Variants in LYPLA1 observed in about 807,000 individuals in gnomAD.
The protein encoded by LYPLA1 is lysophospholipase 1.
In LYPLA1, 17 loss-of-function variants were observed where a neutral mutation model predicts 34.0. The ratio of observed to expected loss-of-function variants is 0.50; its 90% CI spans 0.34 to 0.75. LYPLA1 has a LOEUF of 0.75. Ranked by LOEUF, LYPLA1 falls within the 30% of genes least tolerant of loss-of-function variation. LYPLA1 has a pLI of 0.01. For missense variants in LYPLA1, 203 were observed against 288.8 expected (o/e 0.70, Z 2.15); for synonymous variants, 98 against 100.8 (o/e 0.97, Z 0.17).
At chr8:54,079,573 T>A (rs1239732336) in intron 2 of LYPLA1, among the ~76,000 whole-genome samples, 3 of 152,040 alleles carry the variant, frequency 2.0e-5, no homozygotes, top group African/African-American at 7.2e-5. Flanking sequence ...GAGGCTGAGT[T>A]GGGCGGATCA....
chr8:54,086,438 T>TAAAAAAAAAAAAA (rs768755796), intron 2 of LYPLA1, among the ~76,000 whole-genome samples: 1 of 34,692 alleles, frequency 2.9e-5, no homozygotes, highest in Non-Finnish European at 5.3e-5. Flanking sequence ...CTAAAAAAAT[T>TAAAAAAAAAAAAA]AAAAAAAAAA....
At chr8:54,055,873 A>C (rs1446067411) in intron 5 of LYPLA1, among the ~76,000 whole-genome samples, 3 of 151,810 alleles carry the variant, frequency 2.0e-5, no homozygotes, top group Non-Finnish European at 1.5e-5. Context: ...GATCTCCTGA[A>C]CTCGAGATCC....
At chr8:54,060,132 C>T (rs199868093) in intron 5 of LYPLA1, among the ~76,000 whole-genome samples, 1 of 151,180 alleles carries the variant, frequency 6.6e-6, no homozygotes, top group South Asian at 2.1e-4. Flanking sequence ...TTCTTTCTTT[C>T]TTTTTTTCCT....
chr8:54,074,281 A>T (rs531623414), intron 2 of LYPLA1, among the ~76,000 whole-genome samples: 6 of 152,332 alleles, frequency 3.9e-5, no homozygotes, highest in African/African-American at 1.4e-4. Flanking sequence ...CATAGATTAA[A>T]AAGACTGTTT....
chr8:54,049,621 C>T (rs1805710456), intron 8 of LYPLA1, among the ~76,000 whole-genome samples: 2 of 152,192 alleles, frequency 1.3e-5, no homozygotes, highest in African/African-American at 4.8e-5. Context: ...AAGCACTATA[C>T]ATCTCAGGAC....
At chr8:54,049,405 C>CCTTT in intron 8 of LYPLA1, among the ~76,000 whole-genome samples, 1 of 152,152 alleles carries the variant, frequency 6.6e-6, no homozygotes, top group Middle Eastern at 3.4e-3. Flanking sequence ...ATTCATCCAT[C>CCTTT]CTTTCTTTCT....
chr8:54,081,367 C>A lies in LYPLA1; in HGVS notation c.102-15554G>T, dbSNP rs1043189684. Among the ~76,000 whole-genome samples the A allele has an allele frequency of 3.9e-5, 6 of 152,034 alleles. No individual in the cohort carries two copies. In the East Asian group the frequency reaches 9.6e-4, roughly 24 times the overall value. On this transcript the variant is annotated intron_variant, in intron 2 of 8. Coordinates refer to ENST00000316963, the MANE Select transcript of LYPLA1 (RefSeq NM_006330.4). ...TCCCTACTATATACACAGTTTTTGG[C>A]CAGCAGCTCTCGTCCAATGAAAGAG...
At chr8:54,053,052 G>A (rs1041575458) in intron 6 of LYPLA1, 2 of 275,554 alleles carry the variant, frequency 7.3e-6, no homozygotes, top group Non-Finnish European at 1.4e-5. Flanking sequence ...CTCCTTTGCA[G>A]AATTTTAGGC....
intron 5 of LYPLA1, among the ~76,000 whole-genome samples, chr8:54,056,203 C>CA (rs1386853957): frequency 6.6e-6 from 1 of 152,130 alleles, no homozygotes. Flanking sequence ...GGGGAAAAGA[C>CA]AGTCTCTTCA....
intron 2 of LYPLA1, 46 bp downstream of exon 2, chr8:54,100,862 A>G (rs981753059): frequency 4.6e-6 from 7 of 1,516,632 alleles, no homozygotes; most frequent in Non-Finnish European, 6.4e-6. Context: ...CAAAAGTTGC[A>G]TGACCCAGTT....
chr8:54,065,234 G>A (rs933226000), intron 3 of LYPLA1, among the ~76,000 whole-genome samples: 14 of 152,090 alleles, frequency 9.2e-5, no homozygotes, highest in African/African-American at 2.7e-4. Context: ...AAGGCAGGTC[G>A]ATCACTTGAG....
chr8:54,101,066 G>C, intron 1 of LYPLA1, 127 bp from the exon 2 acceptor site: 1 of 773,246 alleles, frequency 1.3e-6, no homozygotes, highest in Middle Eastern at 2.4e-4. Flanking sequence ...CACTATCTTC[G>C]GCGACTTAAT....
intron 8 of LYPLA1, among the ~76,000 whole-genome samples, chr8:54,049,781 T>C (rs534367301): frequency 8.5e-5 from 13 of 152,328 alleles, no homozygotes; most frequent in Admixed American, 1.3e-4. Context: ...ACCAAAACTT[T>C]TTTAAAAGGT....
intron 2 of LYPLA1, among the ~76,000 whole-genome samples, chr8:54,096,721 C>T (rs1809714635): frequency 2.0e-5 from 3 of 148,490 alleles, no homozygotes; most frequent in Admixed American, 1.4e-4. Context: ...CCAGCCTGGA[C>T]GACAGGGCGA....
intron 1 of LYPLA1, chr8:54,101,424 G>A: frequency 9.3e-7 from 1 of 1,073,858 alleles, no homozygotes; most frequent in Non-Finnish European, 1.1e-6. Context: ...CGATTTCCTG[G>A]CGGACTTAGG....
chr8:54,049,076 C>T (rs1241465845), intron 8 of LYPLA1, among the ~76,000 whole-genome samples: 2 of 152,202 alleles, frequency 1.3e-5, no homozygotes, highest in Non-Finnish European at 2.9e-5. Context: ...CTGGATTCAA[C>T]ACTGTAATAC....
chr8:54,051,860 T>C (rs1378288075), intron 7 of LYPLA1, among the ~76,000 whole-genome samples: 2 of 149,650 alleles, frequency 1.3e-5, no homozygotes, highest in Non-Finnish European at 3.0e-5. Flanking sequence ...TTTTTTTTTT[T>C]TTCCCCCAAA....
chr8:54,064,341 C>T (rs561165815), intron 3 of LYPLA1, among the ~76,000 whole-genome samples: 2 of 152,028 alleles, frequency 1.3e-5, no homozygotes, highest in South Asian at 2.1e-4. Context: ...CGCATGAACC[C>T]GGGAGGCAGA....
At chr8:54,060,064 T>G (rs997931207) in intron 5 of LYPLA1, among the ~76,000 whole-genome samples, 11 of 152,150 alleles carry the variant, frequency 7.2e-5, no homozygotes, top group African/African-American at 1.9e-4. Flanking sequence ...TTATTATACT[T>G]GTCAATATTT....
Sources: gnomAD v4.1 joint callset for allele counts (sites outside exome capture counted in the v4.1 genomes callset) on GRCh38, gnomAD v4.1.1 for gene constraint, MANE v1.5 for transcripts, NCBI Gene and HGNC (gene_info 2026-07-23, HGNC 2026-07-21) for gene names.